TBXAS1: variants seen among roughly 807,000 people sequenced by gnomAD.
TBXAS1 encodes the protein thromboxane A synthase 1, also known as thromboxane-A synthase.
TBXAS1 carries 48 observed loss-of-function variants against 60.7 expected under a neutral mutation model. The ratio of observed to expected loss-of-function variants is 0.79; its 90% CI spans 0.63 to 1.01. The LOEUF (loss-of-function observed/expected upper bound fraction) is 1.01, where lower values mean the gene tolerates loss of function less well. Among genes scored for constraint, TBXAS1 ranks in the 50% least tolerant of loss-of-function variants. The pLI is 0.00. For missense variants in TBXAS1, 685 were observed against 686.3 expected, an observed-to-expected ratio of 1.00 and a Z score of 0.02; for synonymous variants, 287 against 269.7, an observed-to-expected ratio of 1.06 and a Z score of -0.63.
chr7:139,876,108 A>G (rs75582547), intron 3 of TBXAS1, among the ~76,000 whole-genome samples: 2,334 of 152,286 alleles, frequency 0.015, 33 homozygotes, highest in African/African-American at 0.034. Context: ...TTATCACCCA[A>G]TCCAGTTCCC....
chr7:139,963,734 C>CAAAACA (rs561879229), intron 9 of TBXAS1, among the ~76,000 whole-genome samples: 3 of 151,976 alleles, frequency 2.0e-5, no homozygotes, highest in African/African-American at 7.3e-5. Flanking sequence ...CTGATTTAAG[C>CAAAACA]AAAACAAAAA....
intron 4 of TBXAS1, among the ~76,000 whole-genome samples, chr7:139,814,322 A>T (rs1360242058): frequency 6.6e-6 from 1 of 152,162 alleles, no homozygotes; most frequent in Non-Finnish European, 1.5e-5. Context: ...GGCATGATAC[A>T]TTTCAGATTC....
At chr7:139,820,060 G>A (rs1798255724) in intron 4 of TBXAS1, among the ~76,000 whole-genome samples, 1 of 151,948 alleles carries the variant, frequency 6.6e-6, no homozygotes, top group Non-Finnish European at 1.5e-5. Context: ...TTTGCTTTCT[G>A]AGCATGCTGT....
At chr7:139,940,588 A>G (rs1808209967) in intron 5 of TBXAS1, among the ~76,000 whole-genome samples, 1 of 152,024 alleles carries the variant, frequency 6.6e-6, no homozygotes, top group Non-Finnish European at 1.5e-5. Context: ...CAGACCGACT[A>G]CATCTCCAGG....
intron 4 of TBXAS1, among the ~76,000 whole-genome samples, chr7:139,803,796 A>G (rs1364607696): frequency 6.6e-6 from 1 of 152,208 alleles, no homozygotes; most frequent in Non-Finnish European, 1.5e-5. Context: ...CAGCTTTTAC[A>G]TGGTTTGAGC....
At chr7:140,017,034 G>A (rs185515962) in intron 11 of TBXAS1, among the ~76,000 whole-genome samples, 183 of 152,382 alleles carry the variant, frequency 1.2e-3, no homozygotes, top group African/African-American at 4.1e-3. Context: ...ACACGCTGCA[G>A]GCAAATGCAC....
At chr7:139,791,464 A>G (rs553624750) in intron 4 of TBXAS1, among the ~76,000 whole-genome samples, 133 of 152,254 alleles carry the variant, frequency 8.7e-4, no homozygotes, top group Non-Finnish European at 1.5e-3. Context: ...ATGGGCCACA[A>G]CTCAGTGACA....
intron 2 of TBXAS1, among the ~76,000 whole-genome samples, chr7:139,872,636 A>G (rs1430413184): frequency 6.6e-6 from 1 of 152,228 alleles, no homozygotes; most frequent in African/African-American, 2.4e-5. Context: ...CCTGGGCAAC[A>G]AGAGCAAAAA....
At chr7:139,849,380 A>C (rs1463472325) in intron 1 of TBXAS1, among the ~76,000 whole-genome samples, 2 of 147,162 alleles carry the variant, frequency 1.4e-5, no homozygotes, top group African/African-American at 2.6e-5. Flanking sequence ...CCCAAAAAAA[A>C]CACAAAAAAC....
chr7:139,979,520 A>C (rs1458508857), intron 9 of TBXAS1, among the ~76,000 whole-genome samples: 1 of 152,028 alleles, frequency 6.6e-6, no homozygotes, highest in Non-Finnish European at 1.5e-5. Context: ...TGAGGTCAGG[A>C]GTTTGAGACC....
At chr7:139,940,450 A>G (rs1419558506) in intron 5 of TBXAS1, among the ~76,000 whole-genome samples, 1 of 152,154 alleles carries the variant, frequency 6.6e-6, no homozygotes, top group Non-Finnish European at 1.5e-5. Flanking sequence ...CAAGATCTAT[A>G]TAGTCAGAAT....
chr7:140,003,367 C>T (rs1402800219), intron 9 of TBXAS1, among the ~76,000 whole-genome samples: 3 of 152,058 alleles, frequency 2.0e-5, no homozygotes, highest in Non-Finnish European at 2.9e-5. Flanking sequence ...CCATGCCCAG[C>T]TAATTTTTTG....
At chr7:139,826,503 G>A (rs1022671394), upstream of TBXAS1, among the ~76,000 whole-genome samples, 3 of 152,184 alleles carry the variant, frequency 2.0e-5, no homozygotes, top group South Asian at 2.1e-4. Flanking sequence ...CTTGGCACCT[G>A]TGCGGTTCAC....
At chr7:139,887,608 G>A (rs568379586) in intron 3 of TBXAS1, among the ~76,000 whole-genome samples, 7 of 152,122 alleles carry the variant, frequency 4.6e-5, no homozygotes, top group African/African-American at 1.2e-4. Flanking sequence ...GAGAACTACT[G>A]CCTTTTTAAG....
chr7:139,979,588 T>C (rs752930779), intron 9 of TBXAS1, among the ~76,000 whole-genome samples: 7 of 151,910 alleles, frequency 4.6e-5, no homozygotes, highest in Non-Finnish European at 1.0e-4. Context: ...TAGCCAGGCT[T>C]GGTGGCGTGA....
At chr7:139,982,597 G>A (rs1812048728) in intron 9 of TBXAS1, among the ~76,000 whole-genome samples, 1 of 152,076 alleles carries the variant, frequency 6.6e-6, no homozygotes, top group South Asian at 2.1e-4. Flanking sequence ...CCTTATAAAT[G>A]GAACAAAAAG....
chr7:139,784,511 T>C (rs984156694), intron 3 of TBXAS1, among the ~76,000 whole-genome samples: 5 of 151,932 alleles, frequency 3.3e-5, no homozygotes, highest in African/African-American at 1.2e-4. Context: ...GCAAGGAGTG[T>C]GTTTGGGGCA....
intron 9 of TBXAS1, among the ~76,000 whole-genome samples, chr7:140,005,186 T>C (rs1813975517): frequency 6.6e-6 from 1 of 152,220 alleles, no homozygotes; most frequent in African/African-American, 2.4e-5. Flanking sequence ...TCCAGCACTT[T>C]GGAAGGCCGA....
intron 8 of TBXAS1, 43 bp downstream of exon 8, chr7:139,957,807 C>G (rs1459692912): frequency 6.2e-7 from 1 of 1,612,808 alleles, no homozygotes; most frequent in East Asian, 2.2e-5. Context: ...TGGAATGGAG[C>G]CGACTTTGGC....
Sources: allele counts gnomAD v4.1 joint callset (sites outside exome capture counted in the v4.1 genomes callset), GRCh38; gene constraint gnomAD v4.1.1; transcripts MANE v1.5; gene names NCBI Gene and HGNC (gene_info 2026-07-23, HGNC 2026-07-21).